The following IL1RAPL1 variants were observed in gnomAD, a reference collection of about 807,000 sequenced individuals.
IL1RAPL1 encodes the protein interleukin 1 receptor accessory protein like 1, also known as interleukin-1 receptor accessory protein-like 1.
A neutral mutation model predicts 48.4 loss-of-function variants in IL1RAPL1; 3 were observed. The observed-to-expected ratio is 0.06, with a 90% CI of 0.03 to 0.16. The LOEUF is 0.16. Among genes scored for constraint, IL1RAPL1 ranks in the 10% least tolerant of loss-of-function variants. The probability of loss-of-function intolerance (pLI) is 1.00; values close to 1 mark genes in which losing one functional copy is unlikely to be tolerated. For missense variants in IL1RAPL1, 349 were observed against 530.6 expected (o/e 0.66, Z 3.36); for synonymous variants, 185 against 187.7 (o/e 0.99, Z 0.12).
intron 5 of IL1RAPL1, among the ~76,000 whole-genome samples, chrX:29,419,445 C>T (rs1934263947): frequency 9.1e-6 from 1 of 109,649 alleles, no homozygotes; most frequent in Non-Finnish European, 1.9e-5. Context: ...CTCAGCCTCC[C>T]AAGTAGCTGG....
intron 6 of IL1RAPL1, among the ~76,000 whole-genome samples, chrX:29,895,166 T>TAA (rs1307117917): frequency 9.0e-6 from 1 of 111,206 alleles, no homozygotes; most frequent in African/African-American, 3.3e-5. Flanking sequence ...TAAAAAATTT[T>TAA]AAGTCAGATT....
intron 1 of IL1RAPL1, among the ~76,000 whole-genome samples, chrX:28,654,196 C>A (rs1173786550): frequency 1.1e-5 from 1 of 89,643 alleles, no homozygotes; most frequent in African/African-American, 4.4e-5. Context: ...TGGTGTACTT[C>A]TTTGGTTAAA....
chrX:29,148,538 G>A (rs1180402051), intron 2 of IL1RAPL1, among the ~76,000 whole-genome samples: 2 of 111,918 alleles, frequency 1.8e-5, no homozygotes, highest in Admixed American at 9.5e-5. Context: ...AATTTCTCAC[G>A]TAACTGCCCA....
chrX:29,591,525 G>C (rs1243860667), intron 5 of IL1RAPL1, among the ~76,000 whole-genome samples: 1 of 112,181 alleles, frequency 8.9e-6, no homozygotes, highest in African/African-American at 3.2e-5. Context: ...GGGCACCATA[G>C]TGGGGACTGC....
chrX:29,348,706 G>A (rs1933184112), intron 3 of IL1RAPL1, among the ~76,000 whole-genome samples: 1 of 111,748 alleles, frequency 8.9e-6, no homozygotes, highest in South Asian at 3.7e-4. Flanking sequence ...TAAATGAATG[G>A]ATTTAAGATG....
At chrX:28,714,172 G>A (rs1009845666) in intron 1 of IL1RAPL1, among the ~76,000 whole-genome samples, 3 of 111,194 alleles carry the variant, frequency 2.7e-5, no homozygotes, top group Admixed American at 9.6e-5. Context: ...TGTTTTACTC[G>A]AGAAGTTTTA....
intron 1 of IL1RAPL1, among the ~76,000 whole-genome samples, chrX:28,650,773 C>T (rs1052509687): frequency 1.8e-4 from 20 of 111,909 alleles, no homozygotes; most frequent in African/African-American, 6.5e-4. Context: ...CACTTGAAGA[C>T]ATCTGCTACT....
At chrX:29,740,794 C>A (rs2147135279) in intron 6 of IL1RAPL1, among the ~76,000 whole-genome samples, 1 of 112,264 alleles carries the variant, frequency 8.9e-6, no homozygotes, top group East Asian at 2.8e-4. Context: ...TGATGTATAA[C>A]ACCATTCAAA....
intron 2 of IL1RAPL1, among the ~76,000 whole-genome samples, chrX:28,892,357 A>G (rs1922794995): frequency 9.1e-6 from 1 of 110,144 alleles, no homozygotes; most frequent in Non-Finnish European, 1.9e-5. Flanking sequence ...TTGAGCCAGG[A>G]TGAGCCAGGA....
intron 6 of IL1RAPL1, among the ~76,000 whole-genome samples, chrX:29,764,906 C>T (rs1456686877): frequency 8.9e-6 from 1 of 111,776 alleles, no homozygotes; most frequent in Non-Finnish European, 1.9e-5. Flanking sequence ...AACTCACCAG[C>T]GTACTGGAGA....
At chrX:28,803,095 T>C (rs978864356) in intron 2 of IL1RAPL1, among the ~76,000 whole-genome samples, 3 of 111,751 alleles carry the variant, frequency 2.7e-5, no homozygotes, top group Non-Finnish European at 1.9e-5. Flanking sequence ...CTTAGCATCA[T>C]GTCCATTTGT....
chrX:28,964,293 T>C (rs757608329), intron 2 of IL1RAPL1, among the ~76,000 whole-genome samples: 7 of 111,643 alleles, frequency 6.3e-5, no homozygotes, highest in Non-Finnish European at 1.3e-4. Flanking sequence ...TACAGACATA[T>C]GTCTATTAAG....
chrX:28,717,895 T>C (rs755587884), intron 1 of IL1RAPL1, among the ~76,000 whole-genome samples: 26 of 111,673 alleles, frequency 2.3e-4, no homozygotes, highest in Non-Finnish European at 4.5e-4. Flanking sequence ...CAAAATAATC[T>C]AATGTAGTAT....
At chrX:29,776,433 C>A (rs1199678626) in intron 6 of IL1RAPL1, among the ~76,000 whole-genome samples, 1 of 111,891 alleles carries the variant, frequency 8.9e-6, no homozygotes, top group East Asian at 2.8e-4. Context: ...CTGCCTCTCC[C>A]CCTTTTCAGC....
intron 6 of IL1RAPL1, among the ~76,000 whole-genome samples, chrX:29,808,506 GT>G (rs1276116348): frequency 9.0e-6 from 1 of 111,315 alleles, no homozygotes; most frequent in African/African-American, 3.3e-5. Context: ...GCTTGGAAAG[GT>G]TTTGTATTCT....
intron 1 of IL1RAPL1, among the ~76,000 whole-genome samples, chrX:28,739,285 C>T (rs1231551436): frequency 9.0e-6 from 1 of 111,581 alleles, no homozygotes; most frequent in Non-Finnish European, 1.9e-5. Flanking sequence ...CATTATCATG[C>T]TGTAATTTTC....
At chrX:29,719,522 G>T (rs1168941286) in intron 6 of IL1RAPL1, among the ~76,000 whole-genome samples, 3 of 110,393 alleles carry the variant, frequency 2.7e-5, no homozygotes, top group East Asian at 5.7e-4. Flanking sequence ...GAGTTGTGGG[G>T]TTTTTTAAAT....
intron 5 of IL1RAPL1, among the ~76,000 whole-genome samples, chrX:29,479,585 C>A (rs1209109725): frequency 9.2e-6 from 1 of 108,325 alleles, no homozygotes; most frequent in Non-Finnish European, 1.9e-5. Flanking sequence ...AGGATTAGTT[C>A]CATAGTGGTG....
chrX:29,635,483 T>G (rs1011287685), intron 5 of IL1RAPL1, among the ~76,000 whole-genome samples: 2 of 111,522 alleles, frequency 1.8e-5, no homozygotes, highest in African/African-American at 6.5e-5. Flanking sequence ...ATCTGAAAGA[T>G]CAGATAGATA....
Sources: gnomAD v4.1 joint callset for allele counts (sites outside exome capture counted in the v4.1 genomes callset) on GRCh38, gnomAD v4.1.1 for gene constraint, MANE v1.5 for transcripts, NCBI Gene and HGNC (gene_info 2026-07-23, HGNC 2026-07-21) for gene names.